Variants in PGM2L1 observed in about 807,000 individuals in gnomAD.
The protein encoded by PGM2L1 is phosphoglucomutase 2 like 1.
In PGM2L1, 35 loss-of-function variants were observed where a neutral mutation model predicts 73.4. The ratio of observed to expected loss-of-function variants is 0.48; its 90% CI spans 0.36 to 0.63. The LOEUF (loss-of-function observed/expected upper bound fraction) is 0.63, where lower values mean the gene tolerates loss of function less well. Among genes scored for constraint, PGM2L1 ranks in the 30% least tolerant of loss-of-function variants. The pLI, the probability that PGM2L1 is intolerant of heterozygous loss-of-function variation, is 0.00. For synonymous variants in PGM2L1, 225 were observed against 253.8 expected (o/e 0.89, Z 1.08); for missense variants, 570 against 742.0 (o/e 0.77, Z 2.69).
intron 5 of PGM2L1, among the ~76,000 whole-genome samples, chr11:74,364,630 T>C (rs1465796865): frequency 6.6e-6 from 1 of 152,040 alleles, no homozygotes; most frequent in African/African-American, 2.4e-5. Flanking sequence ...TCAAAGAGAA[T>C]AAAATACCTA....
In PGM2L1 at chr11:74,331,261, A is replaced by ATATT. The variant is rs1565431122; in HGVS notation, c.*5390_*5391insAATA. 2.2e-5 allele frequency: 2 copies of ATATT among 92,168 alleles called. No homozygotes were observed. Among genetic ancestry groups the ATATT allele is most frequent in the South Asian group, 5.1e-4 (1 of 1,952 alleles). 5.7% of individuals were successfully genotyped at this position (92,168 alleles called of 1,614,324 possible). A position where few individuals can be genotyped will look rare whatever the true frequency, so the allele number is the denominator to read the frequency against. On this transcript the variant is annotated 3_prime_UTR_variant, in exon 14 of 14. Transcript: ENST00000298198. ...GTCTGGATATGTTCTATGTTTATAT[A>ATATT]TCTTTTTTTTTTTTTTTTGAGATGG...
intron 2 of PGM2L1, among the ~76,000 whole-genome samples, chr11:74,374,025 A>C (rs954912317): frequency 6.7e-5 from 10 of 148,458 alleles, no homozygotes; most frequent in Non-Finnish European, 1.5e-4. Context: ...GTGTGCGTTT[A>C]GAATGGCACT....
In PGM2L1 at chr11:74,330,419, A is replaced by T. The variant is rs1861993825; in HGVS notation, c.*6233T>A. 1 of 152,704 alleles carries T rather than the reference A, an allele frequency of 6.5e-6. No individual in the cohort carries two copies. Among genetic ancestry groups the T allele is most frequent in the Admixed American group, 6.5e-5 (1 of 15,288 alleles). The allele number at this position is 152,704 out of a possible 1,614,324, so 9.5% of individuals were successfully genotyped here. On this transcript the variant is annotated 3_prime_UTR_variant, in exon 14 of 14. Transcript: ENST00000298198. ...GTGCAAATTCTCACAGGCAGTACTT[A>T]TAATACACCCTGGTGTTTTTGTAGG...
intron 5 of PGM2L1, among the ~76,000 whole-genome samples, chr11:74,367,450 T>C (rs1315541737): frequency 2.0e-5 from 3 of 152,216 alleles, no homozygotes; most frequent in African/African-American, 7.2e-5. Context: ...GAGGATATGA[T>C]ATGGGCAGAG....
At position 74,395,549 on chromosome 11, in the gene PGM2L1, CTTTTTTTTTTTTTTT is replaced by C. The variant is rs60883108; in HGVS notation, c.111+2487_111+2501del. On this transcript the variant is annotated intron_variant, in intron 1 of 13. Transcript: ENST00000298198. ...TACAGGCACGTGACACCTCGCCTGG[CTTTTTTTTTTTTTTT>C]TTTTTTTTTTTTTTGTATTTTTAGT... 2.2e-4 allele frequency among the ~76,000 whole-genome samples: 14 copies of C among 64,946 alleles called. 1 individual carries two copies. The East Asian group carries it at 3.4e-3, about 16-fold the overall frequency. 42.6% of individuals were successfully genotyped at this position (64,946 alleles called of 152,430 possible).
chr11:74,345,384 A>T (rs1056355533), intron 9 of PGM2L1, 85 bp downstream of exon 9: 4 of 1,169,556 alleles, frequency 3.4e-6, no homozygotes, highest in Non-Finnish European at 4.8e-6. Context: ...AATGAAATCA[A>T]TGAAAGTCAG....
chr11:74,359,173 T>C (rs1427057678), intron 5 of PGM2L1, among the ~76,000 whole-genome samples: 1 of 152,222 alleles, frequency 6.6e-6, no homozygotes, highest in East Asian at 1.9e-4. Context: ...TATAGATGAA[T>C]CATAATTTAT....
Position 74,338,590 on chromosome 11 carries a change from C to T in PGM2L1, c.1644G>A (p.Val548=), listed in dbSNP as rs1340677893. 1.9e-6 allele frequency: 3 copies of T among 1,598,614 alleles called. No individual in the cohort carries two copies. Among genetic ancestry groups the T allele is most frequent in the South Asian group, 1.1e-5 (1 of 89,742 alleles). Reference sequence around the variant, plus strand: ...ATGTAATCATTTGGCTGTTTTTACTCACAGGCAGCACCTATGCAAAATGGC... The same window carrying T: ...ATGTAATCATTTGGCTGTTTTTACTTACAGGCAGCACCTATGCAAAATGGC... The part of the protein sequence containing the change: ...SQPNKKSVLP[V]SKNSQMITFT... The change falls in exon 13 of 14, where the codon GTG becomes GTA. Residue 548 remains valine, a synonymous_variant. Transcript: ENST00000298198.
intron 1 of PGM2L1, among the ~76,000 whole-genome samples, chr11:74,377,236 A>T (rs945947014): frequency 6.6e-6 from 1 of 151,044 alleles, no homozygotes; most frequent in Admixed American, 6.6e-5. Flanking sequence ...CCGGGTTCAC[A>T]CCATTCTCCT....
intron 2 of PGM2L1, 64 bp downstream of exon 2, chr11:74,374,351 G>A: frequency 7.3e-7 from 1 of 1,365,538 alleles, no homozygotes; most frequent in Admixed American, 2.2e-5. Context: ...CAAACTGCTG[G>A]GATTACAGGC....
At position 74,381,515 on chromosome 11, in the gene PGM2L1, T is replaced by C. The variant is rs569184162; in HGVS notation, c.112-6933A>G. Among the ~76,000 whole-genome samples, 676 of 152,058 alleles carry C rather than the reference T, an allele frequency of 4.4e-3. 8 individuals carry two copies. Among genetic ancestry groups the C allele is most frequent in the African/African-American group, 0.015 (642 of 41,466 alleles). On this transcript the variant is annotated intron_variant, in intron 1 of 13. Coordinates refer to ENST00000298198, the MANE Select transcript of PGM2L1 (RefSeq NM_173582.6). ...GAGCAAGAAATAAATTTTCACTGTG[T>C]AAGCCACTGAAACTTTGGCGTATTT...
At chr11:74,351,082 T>C (rs1057074452) in intron 6 of PGM2L1, among the ~76,000 whole-genome samples, 4 of 152,226 alleles carry the variant, frequency 2.6e-5, no homozygotes, top group Admixed American at 2.0e-4. Context: ...AATATGTGGT[T>C]CTTTGTGACT....
At position 74,342,953 on chromosome 11, in the gene PGM2L1, A is replaced by G. The variant is rs1482733456; in HGVS notation, c.1374T>C (p.Ala458=). 9 of 1,611,438 alleles carry G rather than the reference A, an allele frequency of 5.6e-6. No homozygotes were observed. Among genetic ancestry groups the G allele is most frequent in the Non-Finnish European group, 7.6e-6 (9 of 1,178,492 alleles). Residue 458 remains alanine (A), a synonymous_variant, in exon 11 of 14, where the codon GCT becomes GCC. Transcript: ENST00000298198. ...TGGTTTCCAGGTAAGATGCCATCTCAGCAACCACAACAGCTGCACTCACCC... is the reference window on the plus strand; with the variant it reads ...TGGTTTCCAGGTAAGATGCCATCTCGGCAACCACAACAGCTGCACTCACCC... ...KDGVSAAVVV[A]EMASYLETMN... is the part of the protein sequence containing the mutation.
intron 1 of PGM2L1, among the ~76,000 whole-genome samples, chr11:74,390,135 A>T (rs546615240): frequency 7.0e-6 from 1 of 143,096 alleles, no homozygotes; most frequent in South Asian, 2.3e-4. Context: ...AAAAAAAGAA[A>T]ACTTGAAGGA....
chr11:74,384,024 T>C (rs1159737742), intron 1 of PGM2L1, among the ~76,000 whole-genome samples: 1 of 151,762 alleles, frequency 6.6e-6, no homozygotes, highest in Non-Finnish European at 1.5e-5. Context: ...GTTTAGGAAA[T>C]TTCATAGTAA....
At chr11:74,383,052 T>C (rs1862969424) in intron 1 of PGM2L1, among the ~76,000 whole-genome samples, 1 of 152,218 alleles carries the variant, frequency 6.6e-6, no homozygotes, top group Non-Finnish European at 1.5e-5. Context: ...TTAGCAATTC[T>C]ACTTCTAGAA....
rs1862831128 is a variant in PGM2L1, at chr11:74,374,707, C to T, written c.112-125G>A. On this transcript the variant is annotated intron_variant, in intron 1 of 13. Coordinates refer to ENST00000298198, the MANE Select transcript of PGM2L1 (RefSeq NM_173582.6). Reference sequence around the variant, plus strand: ...ATTCAATATAAATTCCACAGTGCTACTTCTTTGTATGTATAATAAAATAAT... The same window carrying T: ...ATTCAATATAAATTCCACAGTGCTATTTCTTTGTATGTATAATAAAATAAT... 8 of 773,130 alleles carry T rather than the reference C, an allele frequency of 1.0e-5. No homozygotes were observed. In the South Asian group the frequency reaches 1.5e-4, roughly 14 times the overall value. The allele number at this position is 773,130 out of a possible 1,614,324, so 47.9% of individuals were successfully genotyped here.
intron 1 of PGM2L1, among the ~76,000 whole-genome samples, chr11:74,379,269 C>T (rs1410981338): frequency 2.0e-5 from 3 of 152,192 alleles, no homozygotes; most frequent in South Asian, 4.2e-4. Flanking sequence ...ACAATCAGCC[C>T]TCATGTGAAC....
chr11:74,339,879 C>T (rs1862158073), intron 12 of PGM2L1, among the ~76,000 whole-genome samples: 1 of 152,208 alleles, frequency 6.6e-6, no homozygotes, highest in Non-Finnish European at 1.5e-5. Flanking sequence ...AACTCCTAAT[C>T]ATACTTGGGA....
Sources: gnomAD v4.1 joint callset for allele counts (sites outside exome capture counted in the v4.1 genomes callset) on GRCh38, gnomAD v4.1.1 for gene constraint, MANE v1.5 for transcripts, NCBI Gene and HGNC (gene_info 2026-07-23, HGNC 2026-07-21) for gene names.